SCN10A: variants seen among roughly 807,000 people sequenced by gnomAD.
SCN10A encodes the protein sodium voltage-gated channel alpha subunit 10, also known as sodium channel protein type 10 subunit alpha.
Under a neutral mutation model 170.7 loss-of-function variants are expected in SCN10A, and 162 were observed. That is an observed-to-expected ratio of 0.95 (90% CI 0.84 to 1.08). The LOEUF is 1.08. Among genes scored for constraint, SCN10A ranks in the 50% least tolerant of loss-of-function variants. The pLI, the probability that SCN10A is intolerant of heterozygous loss-of-function variation, is 0.00. For synonymous variants in SCN10A, 985 were observed against 904.6 expected, an observed-to-expected ratio of 1.09 and a Z score of -1.59; for missense variants, 2,527 against 2,436.9, an observed-to-expected ratio of 1.04 and a Z score of -0.78.
intron 4 of SCN10A, among the ~76,000 whole-genome samples, chr3:38,777,196 A>G (rs943589510): frequency 1.3e-5 from 2 of 152,066 alleles, no homozygotes; most frequent in African/African-American, 4.8e-5. Flanking sequence ...AAAAAGTGGT[A>G]TAAGAATCAT....
intron 2 of SCN10A, 135 bp downstream of exon 2, chr3:38,793,606 A>ATAT: frequency 1.4e-6 from 1 of 711,218 alleles, no homozygotes; most frequent in Non-Finnish European, 2.4e-6. Flanking sequence ...ATATATATAT[A>ATAT]TTTTTTTTGG....
intron 12 of SCN10A, among the ~76,000 whole-genome samples, chr3:38,750,723 T>C (rs2063738210): frequency 6.6e-6 from 1 of 152,192 alleles, no homozygotes; most frequent in Non-Finnish European, 1.5e-5. Flanking sequence ...GACTAAAATA[T>C]AGGTCCATAC....
chr3:38,803,984 C>T (rs2064390592), intron 1 of SCN10A, among the ~76,000 whole-genome samples: 1 of 152,092 alleles, frequency 6.6e-6, no homozygotes, highest in Non-Finnish European at 1.5e-5. Context: ...ACCATCAGCT[C>T]TTGATTGGAC....
chr3:38,793,925 G>A lies in SCN10A; in HGVS notation c.86C>T (p.Ala29Val), dbSNP rs749126779. Reference protein sequence around the residue: ...ESLVEIEKQIAAKQGTKKARE... With the variant: ...ESLVEIEKQIVAKQGTKKARE... ...GGCTTTCTTTGTTCCCTGCTTGGCAGCAATTTGCTTCTCTATCTCCACCAG... is the reference window on the plus strand; with the variant it reads ...GGCTTTCTTTGTTCCCTGCTTGGCAACAATTTGCTTCTCTATCTCCACCAG... The change falls in exon 2 of 28, where the codon GCT becomes GTT. Residue 29 changes from alanine to valine, a missense_variant. Coordinates refer to ENST00000449082, the MANE Select transcript of SCN10A (RefSeq NM_006514.4). The A allele has an allele frequency of 6.2e-7, 1 of 1,614,074 alleles. No individual in the cohort carries two copies. Among genetic ancestry groups the A allele is most frequent in the Admixed American group, 1.7e-5 (1 of 60,008 alleles).
At chr3:38,797,179 G>T (rs2064345825) in intron 1 of SCN10A, among the ~76,000 whole-genome samples, 1 of 151,972 alleles carries the variant, frequency 6.6e-6, no homozygotes, top group African/African-American at 2.4e-5. Flanking sequence ...TGGAGATCCT[G>T]CTTGCTCCCA....
intron 17 of SCN10A, 57 bp downstream of exon 17, chr3:38,726,549 T>G (rs1210839584): frequency 7.1e-7 from 1 of 1,406,402 alleles, no homozygotes; most frequent in East Asian, 2.3e-5. Context: ...CCTTTGTCAC[T>G]CAAGCCCTGA....
intron 5 of SCN10A, among the ~76,000 whole-genome samples, chr3:38,764,114 C>G (rs1353877542): frequency 6.6e-6 from 1 of 152,242 alleles, no homozygotes; most frequent in Non-Finnish European, 1.5e-5. Context: ...GAGTGTGAGC[C>G]TGGATACACC....
intron 5 of SCN10A, among the ~76,000 whole-genome samples, 167 bp from the exon 6 acceptor site, chr3:38,763,763 T>C (rs926955571): frequency 6.6e-6 from 1 of 152,216 alleles, no homozygotes; most frequent in Non-Finnish European, 1.5e-5. Flanking sequence ...ACTGATTTCA[T>C]TATTGCAACA....
At chr3:38,721,019 A>G (rs1376287537) in intron 20 of SCN10A, among the ~76,000 whole-genome samples, 3 of 152,128 alleles carry the variant, frequency 2.0e-5, no homozygotes, top group Non-Finnish European at 4.4e-5. Context: ...CCCTCCACCC[A>G]GGATGGCAGA....
At chr3:38,754,923 C>T (rs2063787083) in intron 11 of SCN10A, among the ~76,000 whole-genome samples, 1 of 152,108 alleles carries the variant, frequency 6.6e-6, no homozygotes, top group Non-Finnish European at 1.5e-5. Flanking sequence ...TCCCACACAG[C>T]AGATATTATC....
At chr3:38,772,717 ACAAC>A (rs2064019929) in intron 4 of SCN10A, among the ~76,000 whole-genome samples, 5 of 81,678 alleles carry the variant, frequency 6.1e-5, no homozygotes, top group Admixed American at 1.2e-4. Context: ...AGCAACAACA[ACAAC>A]AACAAAAACA....
At position 38,698,020 on chromosome 3, in the gene SCN10A, C is replaced by T. The variant is rs200645452; in HGVS notation, c.5200G>A (p.Glu1734Lys). The T allele has an allele frequency of 3.3e-4, 531 of 1,614,028 alleles. 1 individual carries two copies. The highest frequency in any genetic ancestry group is 4.4e-4 in the Non-Finnish European group (514 of 1,180,028). The change falls in exon 28 of 28, where the codon GAG (glutamate) becomes AAG (lysine). Residue 1734 changes from glutamate (E) to lysine (K), a missense_variant. Transcript: ENST00000449082. ...NFNVATEEST[E>K]PLSEDDFDMF... ...TCAAAGTCGTCCTCACTCAGGGGCT[C>T]AGTGCTCTCCTCCGTGGCCACATTG...
chr3:38,748,199 A>G (rs1268948021), intron 13 of SCN10A, among the ~76,000 whole-genome samples: 1 of 152,214 alleles, frequency 6.6e-6, no homozygotes, highest in Non-Finnish European at 1.5e-5. Context: ...CAAGAAACCT[A>G]TCTGGCCAAG....
rs2063604738 is a variant in SCN10A, at chr3:38,739,381, C to G, written c.2280+134G>C. 4 of 732,084 alleles carry G rather than the reference C, an allele frequency of 5.5e-6. No homozygotes were observed. The East Asian group carries it at 1.1e-4, about 21-fold the overall frequency. 45.3% of individuals were successfully genotyped at this position (732,084 alleles called of 1,614,324 possible). ...GCCACAGACCCAAGTCTCCAGTCGC[C>G]CAGGAGTCAGACCCTGCTCCCTCCC... On this transcript the variant is annotated intron_variant, in intron 15 of 27. Transcript: ENST00000449082.
intron 17 of SCN10A, among the ~76,000 whole-genome samples, chr3:38,725,840 T>C (rs542719049): frequency 6.6e-6 from 1 of 152,314 alleles, no homozygotes; most frequent in African/African-American, 2.4e-5. Context: ...GACAAAGGCA[T>C]GTAAAATATG....
intron 4 of SCN10A, among the ~76,000 whole-genome samples, chr3:38,777,150 G>A (rs1489893772): frequency 9.2e-5 from 14 of 152,022 alleles, no homozygotes; most frequent in Non-Finnish European, 2.9e-5. Context: ...CCATCTTGTT[G>A]AAGGTCCCGG....
At chr3:38,726,149 G>A (rs2063452085) in intron 17 of SCN10A, among the ~76,000 whole-genome samples, 1 of 152,172 alleles carries the variant, frequency 6.6e-6, no homozygotes, top group Non-Finnish European at 1.5e-5. Flanking sequence ...TAAATTAGTT[G>A]GTGCCAAAAG....
At chr3:38,738,752 T>C (rs2063597554) in intron 15 of SCN10A, among the ~76,000 whole-genome samples, 1 of 152,178 alleles carries the variant, frequency 6.6e-6, no homozygotes, top group Non-Finnish European at 1.5e-5. Context: ...GGAGACCTAG[T>C]GACCCGACAC....
At chr3:38,793,043 T>C (rs1419681608) in intron 2 of SCN10A, among the ~76,000 whole-genome samples, 1 of 152,026 alleles carries the variant, frequency 6.6e-6, no homozygotes, top group African/African-American at 2.4e-5. Flanking sequence ...TATGTATATA[T>C]ATAGTGTATA....
Sources: allele counts gnomAD v4.1 joint callset (sites outside exome capture counted in the v4.1 genomes callset), GRCh38; gene constraint gnomAD v4.1.1; transcripts MANE v1.5; gene names NCBI Gene and HGNC (gene_info 2026-07-23, HGNC 2026-07-21).